Variants in ATXN10 observed in about 807,000 individuals in gnomAD.
ATXN10 encodes the protein ataxin-10.
ATXN10 carries 28 observed loss-of-function variants against 52.9 expected under a neutral mutation model. That is an observed-to-expected ratio of 0.53 (90% CI 0.39 to 0.73). The LOEUF (loss-of-function observed/expected upper bound fraction) is 0.73. ATXN10 is among the 30% of genes least tolerant of loss of function. The pLI, the probability that ATXN10 is intolerant of heterozygous loss-of-function variation, is 0.00. For missense variants in ATXN10, 565 were observed against 577.0 expected (o/e 0.98, Z 0.21); for synonymous variants, 226 against 221.5 (o/e 1.02, Z -0.18).
chr22:45,710,634 C>G (rs1245615345), intron 5 of ATXN10, among the ~76,000 whole-genome samples: 1 of 152,106 alleles, frequency 6.6e-6, no homozygotes, highest in African/African-American at 2.4e-5. Flanking sequence ...AAACTATGGC[C>G]CATGGTCTGA....
At chr22:45,782,087 G>T (rs929581764) in intron 9 of ATXN10, among the ~76,000 whole-genome samples, 1 of 152,134 alleles carries the variant, frequency 6.6e-6, no homozygotes, top group Non-Finnish European at 1.5e-5. Context: ...GAGTTTCCTT[G>T]GTATAGCTTT....
At chr22:45,745,739 A>G (rs1486040231) in intron 9 of ATXN10, among the ~76,000 whole-genome samples, 4 of 152,224 alleles carry the variant, frequency 2.6e-5, no homozygotes, top group Non-Finnish European at 5.9e-5. Flanking sequence ...GTAGGCATTC[A>G]GTAAATTTTT....
intron 5 of ATXN10, among the ~76,000 whole-genome samples, chr22:45,709,630 C>G (rs1924169006): frequency 6.6e-6 from 1 of 152,182 alleles, no homozygotes; most frequent in Non-Finnish European, 1.5e-5. Context: ...TGCTCATTCT[C>G]TGGGTGACCT....
rs994993459 is a variant in ATXN10, at chr22:45,840,606, G to A, written c.1238-2385G>A. Among the ~76,000 whole-genome samples, 4 of 152,156 alleles carry A rather than the reference G, an allele frequency of 2.6e-5. No homozygotes were observed. Among genetic ancestry groups the A allele is most frequent in the East Asian group, 1.9e-4 (1 of 5,190 alleles). On this transcript the variant is annotated intron_variant, in intron 10 of 11. Coordinates refer to ENST00000252934, the MANE Select transcript of ATXN10 (RefSeq NM_013236.4). This position sits in a 1 kb window ranked among gnomAD's most constrained non-coding sequence, Gnocchi z 5.8. ...CTGGCAGGAGAGGTGGGTAGGGGCCGTCTGGCAGGGTCTCACGTGCCCTGG... is the reference window on the plus strand; with the variant it reads ...CTGGCAGGAGAGGTGGGTAGGGGCCATCTGGCAGGGTCTCACGTGCCCTGG...
At position 45,840,612 on chromosome 22, in the gene ATXN10, C is replaced by T. The variant is rs1351174050; in HGVS notation, c.1238-2379C>T. Among the ~76,000 whole-genome samples, 1 of 152,148 alleles carries T rather than the reference C, an allele frequency of 6.6e-6. No homozygotes were observed. Among genetic ancestry groups the T allele is most frequent in the Admixed American group, 6.5e-5 (1 of 15,280 alleles). ...GGAGAGGTGGGTAGGGGCCGTCTGG[C>T]AGGGTCTCACGTGCCCTGGAGTGGA... is the stretch of plus-strand genomic sequence containing the variant. On this transcript the variant is annotated intron_variant, in intron 10 of 11. Coordinates refer to ENST00000252934, the MANE Select transcript of ATXN10 (RefSeq NM_013236.4). The surrounding 1 kb of genome is among the most constrained non-coding windows in gnomAD (Gnocchi z 5.8).
At chr22:45,832,877 G>A (rs545766440) in intron 10 of ATXN10, among the ~76,000 whole-genome samples, 98 of 152,274 alleles carry the variant, frequency 6.4e-4, no homozygotes, top group African/African-American at 2.1e-3. Flanking sequence ...AGAGATACGC[G>A]TCAAGGGAGA....
At chr22:45,749,747 A>G (rs753234935) in intron 9 of ATXN10, among the ~76,000 whole-genome samples, 62 of 152,054 alleles carry the variant, frequency 4.1e-4, no homozygotes, top group Non-Finnish European at 7.6e-4. Context: ...TTTTTTTGGT[A>G]GAAAAACAGG....
In ATXN10 at chr22:45,786,623, C is replaced by T. The variant is rs770569270; in HGVS notation, c.1174-20336C>T. 1.3e-5 allele frequency among the ~76,000 whole-genome samples: 2 copies of T among 152,150 alleles called. No homozygotes were observed. The highest frequency in any genetic ancestry group is 4.8e-5 in the African/African-American group (2 of 41,426). On this transcript the variant is annotated intron_variant, in intron 9 of 11. Transcript: ENST00000252934. This position sits in a 1 kb window ranked among gnomAD's most constrained non-coding sequence, Gnocchi z 4.1. Reference sequence around the variant, plus strand: ...CTGCGGGCACATCTCAGCTGGTCAGCAAAACTTGTACTATTAAATGCCTTT... The same window carrying T: ...CTGCGGGCACATCTCAGCTGGTCAGTAAAACTTGTACTATTAAATGCCTTT...
At chr22:45,714,477 C>G in intron 5 of ATXN10, among the ~76,000 whole-genome samples, 1 of 152,226 alleles carries the variant, frequency 6.6e-6, no homozygotes, top group East Asian at 1.9e-4. Flanking sequence ...ATCTCCCAGG[C>G]TCAAGTAATC....
intron 10 of ATXN10, among the ~76,000 whole-genome samples, chr22:45,827,896 A>AT (rs776416765): frequency 5.3e-5 from 8 of 152,256 alleles, no homozygotes; most frequent in Admixed American, 1.3e-4. Context: ...GTTTCCATAG[A>AT]TTTTTAAAGA....
At chr22:45,753,219 A>ATT (rs145958400) in intron 9 of ATXN10, among the ~76,000 whole-genome samples, 9 of 141,472 alleles carry the variant, frequency 6.4e-5, no homozygotes, top group East Asian at 2.1e-4. Flanking sequence ...TTTCCCAGTG[A>ATT]TTTTTTTTTT....
intron 1 of ATXN10, among the ~76,000 whole-genome samples, chr22:45,686,859 A>G (rs1923162814): frequency 6.6e-6 from 1 of 150,424 alleles, no homozygotes; most frequent in Non-Finnish European, 1.5e-5. Context: ...TCTCCCAGGC[A>G]GAGGATTGGG....
At chr22:45,714,493 T>C (rs1366259568) in intron 5 of ATXN10, among the ~76,000 whole-genome samples, 1 of 151,994 alleles carries the variant, frequency 6.6e-6, no homozygotes, top group Non-Finnish European at 1.5e-5. Flanking sequence ...TAATCTTCCC[T>C]CCTCAGCCCA....
chr22:45,675,262 AT>A (rs1004326962), intron 1 of ATXN10: 2 of 152,168 alleles, frequency 1.3e-5, no homozygotes, highest in African/African-American at 4.8e-5. Flanking sequence ...TCTCATTACA[AT>A]TTTAGCAGCC....
intron 7 of ATXN10, among the ~76,000 whole-genome samples, chr22:45,736,481 C>T (rs1432443266): frequency 6.8e-6 from 1 of 146,508 alleles, no homozygotes; most frequent in Non-Finnish European, 1.5e-5. Context: ...AGATAAGGGC[C>T]ACCTTATCTG....
Position 45,757,296 on chromosome 22 carries a change from CT to C in ATXN10, c.1173+16759del, listed in dbSNP as rs1926209607. 6.6e-6 allele frequency among the ~76,000 whole-genome samples: 1 copy of C among 152,188 alleles called. No individual in the cohort carries two copies. The highest frequency in any genetic ancestry group is 1.5e-5 in the Non-Finnish European group (1 of 68,034). Reference sequence around the variant, plus strand: ...TTTCAGCTACACCCTCCTCCCTCCCCTAGCCCCACACAAAACAAAAATGCCT... The same window carrying C: ...TTTCAGCTACACCCTCCTCCCTCCCCAGCCCCACACAAAACAAAAATGCCT... On this transcript the variant is annotated intron_variant, in intron 9 of 11. Coordinates refer to ENST00000252934, the MANE Select transcript of ATXN10 (RefSeq NM_013236.4). The surrounding 1 kb of genome is among the most constrained non-coding windows in gnomAD (Gnocchi z 4.6).
intron 1 of ATXN10, chr22:45,689,451 G>T: frequency 2.0e-6 from 1 of 501,722 alleles, no homozygotes; most frequent in Non-Finnish European, 3.6e-6. Flanking sequence ...TACCTTATCT[G>T]TAAATGGAGA....
At position 45,766,350 on chromosome 22, in the gene ATXN10, GCTGT is replaced by G. The variant is rs1314089364; in HGVS notation, c.1173+25815_1173+25818del. ...TGCATGCGAGGGATCTAGGTTGCAA[GCTGT>G]CTATGAGAATCTAATGCCTAATGAT... On this transcript the variant is annotated intron_variant, in intron 9 of 11. Transcript: ENST00000252934. This position sits in a 1 kb window ranked among gnomAD's most constrained non-coding sequence, Gnocchi z 4.6. Among the ~76,000 whole-genome samples, 1 of 152,150 alleles carries G rather than the reference GCTGT, an allele frequency of 6.6e-6. No homozygotes were observed. Among genetic ancestry groups the G allele is most frequent in the Non-Finnish European group, 1.5e-5 (1 of 68,026 alleles).
intron 9 of ATXN10, among the ~76,000 whole-genome samples, chr22:45,776,806 T>A (rs77964836): frequency 2.0e-5 from 3 of 152,316 alleles, no homozygotes; most frequent in Non-Finnish European, 4.4e-5. Context: ...TGCTGCCAGT[T>A]TTTTTAAGCA....
Sources: allele counts gnomAD v4.1 joint callset (sites outside exome capture counted in the v4.1 genomes callset), GRCh38; gene constraint gnomAD v4.1.1; non-coding constraint Gnocchi (gnomAD v3.1); transcripts MANE v1.5; gene names NCBI Gene and HGNC (gene_info 2026-07-23, HGNC 2026-07-21).